PAK4: variants seen among roughly 807,000 people sequenced by gnomAD.
PAK4 encodes the protein p21 (RAC1) activated kinase 4, also known as serine/threonine-protein kinase PAK 4.
A neutral mutation model predicts 53.5 loss-of-function variants in PAK4; 49 were observed. The observed-to-expected ratio is 0.92, with a 90% confidence interval of 0.73 to 1.16. The LOEUF (loss-of-function observed/expected upper bound fraction) is 1.16, where lower values mean the gene tolerates loss of function less well. Ranked by LOEUF, PAK4 falls within the 50% of genes most tolerant of loss-of-function variation. PAK4 has a pLI of 0.00. For missense variants in PAK4, 824 were observed against 850.7 expected (o/e 0.97, Z 0.39); for synonymous variants, 376 against 375.6 (o/e 1.00, Z -0.01).
chr19:39,165,674 T>C (rs1448962859), intron 1 of PAK4, among the ~76,000 whole-genome samples: 1 of 152,232 alleles, frequency 6.6e-6, no homozygotes, highest in African/African-American at 2.4e-5. Flanking sequence ...TCCTGGCTGC[T>C]TCTCATGTCT....
At chr19:39,153,594 G>A (rs553136906) in intron 1 of PAK4, among the ~76,000 whole-genome samples, 103 of 152,122 alleles carry the variant, frequency 6.8e-4, no homozygotes, top group African/African-American at 2.4e-3. Context: ...GGCGCCTACC[G>A]CCACGCCACG....
chr19:39,178,576 A>T lies in PAK4; in HGVS notation c.1773A>T (p.Arg591Ser), dbSNP rs770158547. The T allele has an allele frequency of 3.8e-6, 6 of 1,590,644 alleles. No homozygotes were observed. The highest frequency in any genetic ancestry group is 5.1e-6 in the Non-Finnish European group (6 of 1,166,206). The stretch of plus-strand genomic sequence containing the variant: ...CCCTCATGCGCCAGAACCGCACCAG[A>T]TGAGGCCCAGCGCCCTTCCCCTCAA... The change falls in exon 9 of 9, where the codon AGA (arginine) becomes AGT (serine). Residue 591 changes from arginine to serine, a missense_variant. Transcript: ENST00000358301. This position sits in a 1 kb window ranked among gnomAD's most constrained non-coding sequence, Gnocchi z 4.4.
intron 1 of PAK4, among the ~76,000 whole-genome samples, chr19:39,143,883 G>C (rs1177384963): frequency 4.0e-5 from 6 of 151,292 alleles, no homozygotes; most frequent in Non-Finnish European, 8.8e-5. Flanking sequence ...GAGGTGGGAG[G>C]ATTGCTTGAG....
chr19:39,144,779 A>AGTGT lies in PAK4; in HGVS notation c.-23+18872_-23+18875dup, dbSNP rs3057072. On this transcript the variant is annotated intron_variant, in intron 1 of 8. Transcript: ENST00000358301. ...GCTTTGGGAAGTGTGCATGTGTGTG[A>AGTGT]GTGTGTGTGTGTGTGCACTTGTGCT... is the stretch of plus-strand genomic sequence containing the variant. 6.5e-3 allele frequency among the ~76,000 whole-genome samples: 989 copies of AGTGT among 151,488 alleles called. 9 individuals are homozygous for AGTGT. The highest frequency in any genetic ancestry group is 0.012 in the Non-Finnish European group (785 of 67,786).
Position 39,173,065 on chromosome 19 carries a change from C to A in PAK4, c.352C>A (p.Pro118Thr), listed in dbSNP as rs2074516355. ...CCGTGCCCGCCAGGAAAATGGGATG[C>A]CAGAGGAGCCGGCCACCACGGCCAG... Residue 118 changes from proline to threonine, a missense_variant, in exon 3 of 9, where the codon CCA becomes ACA. Pro to Thr is a conservative substitution (Grantham distance 38). This residue lies in a region of PAK4 where 478 missense variants were observed against 435.8 expected (regional missense o/e 1.10). Coordinates refer to ENST00000358301, the Ensembl canonical transcript of PAK4. The surrounding 1 kb of genome is among the most constrained non-coding windows in gnomAD (Gnocchi z 6.9). 3.2e-6 allele frequency: 5 copies of A among 1,548,958 alleles called. No homozygotes were observed. The highest frequency in any genetic ancestry group is 4.4e-6 in the Non-Finnish European group (5 of 1,146,782).
chr19:39,139,261 C>T (rs1000156501), intron 1 of PAK4, among the ~76,000 whole-genome samples: 6 of 152,194 alleles, frequency 3.9e-5, no homozygotes, highest in Non-Finnish European at 5.9e-5. Flanking sequence ...ATCAGCCGCA[C>T]GGCCCCTTGC....
Position 39,173,426 on chromosome 19 carries a change from C to A in PAK4, c.663+50C>A. 1 of 1,431,266 alleles carries A rather than the reference C, an allele frequency of 7.0e-7. No individual in the cohort carries two copies. The highest frequency in any genetic ancestry group is 1.9e-4 in the Middle Eastern group (1 of 5,214). 88.7% of individuals were successfully genotyped at this position (1,431,266 alleles called of 1,614,324 possible). A position where few individuals can be genotyped will look rare whatever the true frequency, so the allele number is the denominator to read the frequency against. On this transcript the variant is annotated intron_variant, in intron 3 of 8. Coordinates refer to ENST00000358301, the Ensembl canonical transcript of PAK4. This position sits in a 1 kb window ranked among gnomAD's most constrained non-coding sequence, Gnocchi z 6.9. ...CCCCACTGTCCCCTGCCCGTTGCTC[C>A]TCTGTCCCCACCTTCCAGCCCCGCC...
At position 39,178,272 on chromosome 19, in the gene PAK4, A is replaced by G; in HGVS notation, c.1621-152A>G. 1 of 724,924 alleles carries G rather than the reference A, an allele frequency of 1.4e-6. No individual in the cohort carries two copies. The highest frequency in any genetic ancestry group is 2.2e-6 in the Non-Finnish European group (1 of 453,878). The allele number at this position is 724,924 out of a possible 1,614,324, so 44.9% of individuals were successfully genotyped here. ...TGCCATCACTGTCCCTGTCCCGTCT[A>G]CACCCCAAGATCTAGACACCCATGA... On this transcript the variant is annotated intron_variant, in intron 8 of 8. Transcript: ENST00000358301. This position sits in a 1 kb window ranked among gnomAD's most constrained non-coding sequence, Gnocchi z 4.4.
chr19:39,149,529 T>C (rs115778340), intron 1 of PAK4, among the ~76,000 whole-genome samples: 2,118 of 152,228 alleles, frequency 0.014, 30 homozygotes, highest in African/African-American at 0.035. Flanking sequence ...GAGTTCAGCC[T>C]GGACAACATA....
intron 1 of PAK4, among the ~76,000 whole-genome samples, chr19:39,128,991 C>T (rs1438262513): frequency 6.6e-6 from 1 of 152,250 alleles, no homozygotes; most frequent in Non-Finnish European, 1.5e-5. Flanking sequence ...TTATGGCCAG[C>T]AGGGGCTGAC....
intron 6 of PAK4, 35 bp from the exon 8 acceptor site, chr19:39,176,555 G>C (rs752413581): frequency 3.1e-6 from 5 of 1,612,892 alleles, no homozygotes; most frequent in Admixed American, 3.3e-5. Context: ...TGCTGTGCCA[G>C]CTCCTCTGAC....
chr19:39,134,504 G>A (rs1162640080), intron 1 of PAK4, among the ~76,000 whole-genome samples: 1 of 152,124 alleles, frequency 6.6e-6, no homozygotes, highest in Non-Finnish European at 1.5e-5. Flanking sequence ...GAATCTTCCA[G>A]TATGTCCTTG....
At chr19:39,155,606 T>G (rs920052112) in intron 1 of PAK4, among the ~76,000 whole-genome samples, 1 of 152,156 alleles carries the variant, frequency 6.6e-6, no homozygotes, top group African/African-American at 2.4e-5. Context: ...GCCTTTGCAC[T>G]GGAGGTGGGA....
intron 1 of PAK4, among the ~76,000 whole-genome samples, chr19:39,154,918 A>G (rs999321652): frequency 6.6e-6 from 1 of 151,878 alleles, no homozygotes; most frequent in Admixed American, 6.6e-5. Context: ...CTTCCTCCTC[A>G]CTGTGACAGG....
chr19:39,172,683 G>A (rs999782138), intron 2 of PAK4, among the ~76,000 whole-genome samples: 13 of 152,110 alleles, frequency 8.5e-5, no homozygotes, highest in African/African-American at 1.9e-4. Context: ...GGGTCCCACC[G>A]AGCCCAGGGG....
intron 6 of PAK4, among the ~76,000 whole-genome samples, chr19:39,176,168 A>G (rs1021858395): frequency 2.0e-5 from 3 of 152,222 alleles, no homozygotes; most frequent in Admixed American, 6.5e-5. Context: ...GGTTGTCGCA[A>G]AGGCAGGCTG....
rs1274452107 is a variant in PAK4, at chr19:39,159,298, G to A, written c.-22-10234G>A. Among the ~76,000 whole-genome samples the A allele has an allele frequency of 2.0e-5, 3 of 152,290 alleles. No homozygotes were observed. In the East Asian group the frequency reaches 5.8e-4, roughly 29 times the overall value. ...AGGCCCTGTCCTCGTGGGGCTGCCC[G>A]TTCATTGCAGGAGACATACTAATTA... On this transcript the variant is annotated intron_variant, in intron 1 of 8. Coordinates refer to ENST00000358301, the Ensembl canonical transcript of PAK4.
Position 39,173,951 on chromosome 19 carries a change from G to T in PAK4, c.1039G>T (p.Val347Leu), listed in dbSNP as rs1322153184. ...CACCGTGCGCAGCTCGGGCAAGCTGGTGGCCGTCAAGAAGATGGACCTGCG... is the reference window on the plus strand; with the variant it reads ...CACCGTGCGCAGCTCGGGCAAGCTGTTGGCCGTCAAGAAGATGGACCTGCG... Residue 347 changes from valine to leucine, a missense_variant, in exon 4 of 9, where the codon GTG becomes TTG. Val to Leu is a conservative substitution (Grantham distance 32, BLOSUM62 1). Coordinates refer to ENST00000358301, the Ensembl canonical transcript of PAK4. The surrounding 1 kb of genome is among the most constrained non-coding windows in gnomAD (Gnocchi z 6.9). 1.9e-6 allele frequency: 3 copies of T among 1,610,846 alleles called. No homozygotes were observed. The South Asian group carries it at 3.3e-5, about 18-fold the overall frequency.
chr19:39,142,075 C>G (rs2073920114), intron 1 of PAK4, among the ~76,000 whole-genome samples: 1 of 152,170 alleles, frequency 6.6e-6, no homozygotes, highest in Non-Finnish European at 1.5e-5. Context: ...CTCCCCTGCT[C>G]AAGCAATCCT....
Sources: allele counts gnomAD v4.1 joint callset (sites outside exome capture counted in the v4.1 genomes callset), GRCh38; gene constraint gnomAD v4.1.1; regional missense constraint gnomAD v4.1.1; non-coding constraint Gnocchi (gnomAD v3.1); transcripts MANE v1.5; gene names NCBI Gene and HGNC (gene_info 2026-07-23, HGNC 2026-07-21).